The following LPP variants were observed in gnomAD, a reference collection of about 807,000 sequenced individuals.
LPP encodes lipoma-preferred partner.
LPP carries 38 observed loss-of-function variants against 60.4 expected under a neutral mutation model. That is an observed-to-expected ratio of 0.63 (90% CI 0.49 to 0.83). LPP has a LOEUF of 0.83. LPP is among the 40% of genes least tolerant of loss of function. The probability of loss-of-function intolerance (pLI) is 0.00; values close to 1 mark genes in which losing one functional copy is unlikely to be tolerated. For missense variants in LPP, 902 were observed against 783.6 expected (o/e 1.15, Z -1.80); for synonymous variants, 328 against 290.8 (o/e 1.13, Z -1.30).
At chr3:188,676,900 T>C (rs1017791499) in intron 7 of LPP, among the ~76,000 whole-genome samples, 2 of 152,186 alleles carry the variant, frequency 1.3e-5, no homozygotes, top group Admixed American at 1.3e-4. Context: ...TAACATTTGT[T>C]CTATGAGGGG....
chr3:188,729,717 T>G (rs1317881178), intron 8 of LPP, among the ~76,000 whole-genome samples: 1 of 152,048 alleles, frequency 6.6e-6, no homozygotes, highest in Non-Finnish European at 1.5e-5. Context: ...TGGCTCACGC[T>G]TATAATCCCA....
intron 6 of LPP, among the ~76,000 whole-genome samples, chr3:188,588,594 TCA>T (rs1379036412): frequency 6.6e-6 from 1 of 152,194 alleles, no homozygotes; most frequent in East Asian, 1.9e-4. Context: ...CTCACATACC[TCA>T]GTTTCCTCAT....
At chr3:188,811,704 T>G (rs547780542) in intron 9 of LPP, among the ~76,000 whole-genome samples, 12 of 152,106 alleles carry the variant, frequency 7.9e-5, no homozygotes, top group Non-Finnish European at 1.6e-4. Context: ...ATGAGGAAAC[T>G]GAGGCTTAGG....
rs1766366911 is a variant in LPP, at chr3:188,352,932, T to C, written c.-10+11213T>C. Among the ~76,000 whole-genome samples, 2 of 152,128 alleles carry C rather than the reference T, an allele frequency of 1.3e-5. No homozygotes were observed. The highest frequency in any genetic ancestry group is 2.9e-5 in the Non-Finnish European group (2 of 68,014). ...CCACAGAAACTTTTCTGGGGGAGAATGTTTCTTATCAGATTCCGCAGATGG... is the reference window on the plus strand; with the variant it reads ...CCACAGAAACTTTTCTGGGGGAGAACGTTTCTTATCAGATTCCGCAGATGG... On this transcript the variant is annotated intron_variant, in intron 3 of 11. Transcript: ENST00000617246. This position sits in a 1 kb window ranked among gnomAD's most constrained non-coding sequence, Gnocchi z 4.4.
Position 188,883,039 on chromosome 3 carries a change from T to C in LPP, c.*8560T>C. On this transcript the variant is annotated 3_prime_UTR_variant, in exon 12 of 12. Coordinates refer to ENST00000617246, the MANE Select transcript of LPP (RefSeq NM_001375462.1). The stretch of plus-strand genomic sequence containing the variant: ...ACATCACCTGTATCAGGGAGCTCAT[T>C]ATTCCTTGAGGTCTTACATTTCTTT... The C allele has an allele frequency of 4.9e-6, 1 of 202,512 alleles. No individual in the cohort carries two copies. The highest frequency in any genetic ancestry group is 1.0e-5 in the Non-Finnish European group (1 of 98,610). 12.5% of individuals were successfully genotyped at this position (202,512 alleles called of 1,614,324 possible). A position where few individuals can be genotyped will look rare whatever the true frequency, so the allele number is the denominator to read the frequency against.
At chr3:188,164,902 A>G (rs180745239) in intron 1 of LPP, among the ~76,000 whole-genome samples, 44 of 152,196 alleles carry the variant, frequency 2.9e-4, no homozygotes, top group African/African-American at 9.6e-4. Flanking sequence ...CGACGATGGA[A>G]ACGTGAATGC....
chr3:188,814,147 T>G (rs1330070419), intron 9 of LPP, among the ~76,000 whole-genome samples: 1 of 152,094 alleles, frequency 6.6e-6, no homozygotes, highest in Non-Finnish European at 1.5e-5. Context: ...ATTTAGCATC[T>G]GTCCCAGGCA....
intron 1 of LPP, among the ~76,000 whole-genome samples, chr3:188,196,310 C>T (rs1486347548): frequency 6.6e-6 from 1 of 152,192 alleles, no homozygotes. Context: ...TTGGAAATCC[C>T]AAAGTTGCAT....
At chr3:188,598,021 G>T (rs1168254602) in intron 6 of LPP, among the ~76,000 whole-genome samples, 1 of 152,086 alleles carries the variant, frequency 6.6e-6, no homozygotes, top group African/African-American at 2.4e-5. Flanking sequence ...TAATTTTGGA[G>T]GTTCCAGATT....
chr3:188,609,479 G>A lies in LPP; in HGVS notation c.748G>A (p.Gly250Ser), dbSNP rs758341368. The A allele has an allele frequency of 6.2e-7, 1 of 1,614,130 alleles. No individual in the cohort carries two copies. Among genetic ancestry groups the A allele is most frequent in the East Asian group, 2.2e-5 (1 of 44,870 alleles). ...SGQIYGSGPQGYNTQPVPVSG... is the reference protein window; with the variant it reads ...SGQIYGSGPQSYNTQPVPVSG... ...ACAAATTTATGGCTCAGGGCCCCAG[G>A]GCTATAACACTCAGCCAGTTCCTGT... The change falls in exon 7 of 12, where the codon GGC becomes AGC. Residue 250 changes from glycine (G) to serine (S), a missense_variant. Physicochemically the swap from Gly to Ser is moderately conservative, Grantham distance 56. Transcript: ENST00000617246. This position sits in a 1 kb window ranked among gnomAD's most constrained non-coding sequence, Gnocchi z 6.9.
At chr3:188,662,375 A>G (rs1854783388) in intron 7 of LPP, among the ~76,000 whole-genome samples, 1 of 152,198 alleles carries the variant, frequency 6.6e-6, no homozygotes, top group Non-Finnish European at 1.5e-5. Flanking sequence ...GGTCCCATAG[A>G]TACCATGGAC....
intron 2 of LPP, among the ~76,000 whole-genome samples, chr3:188,283,118 A>G (rs1266261568): frequency 6.6e-6 from 1 of 152,110 alleles, no homozygotes; most frequent in Non-Finnish European, 1.5e-5. Flanking sequence ...GTCTCTCTAG[A>G]GGCACAAGGA....
intron 8 of LPP, among the ~76,000 whole-genome samples, chr3:188,723,673 G>A (rs1182415289): frequency 1.3e-5 from 2 of 151,474 alleles, no homozygotes; most frequent in Admixed American, 6.6e-5. Context: ...CTAGAATTTC[G>A]ATGCATAATC....
intron 6 of LPP, among the ~76,000 whole-genome samples, chr3:188,574,146 C>A (rs745750796): frequency 1.6e-4 from 25 of 152,158 alleles, no homozygotes; most frequent in Non-Finnish European, 3.1e-4. Flanking sequence ...GCCTTCAGCA[C>A]CCTGGGTTTC....
intron 4 of LPP, among the ~76,000 whole-genome samples, chr3:188,435,568 G>T (rs1351275380): frequency 6.6e-6 from 1 of 152,062 alleles, no homozygotes; most frequent in Middle Eastern, 3.2e-3. Context: ...TTCTTTTCAG[G>T]ATAAATAATA....
intron 9 of LPP, among the ~76,000 whole-genome samples, chr3:188,789,082 CT>C: frequency 1.4e-5 from 2 of 143,638 alleles, no homozygotes; most frequent in Admixed American, 1.5e-4. Context: ...CATAGTGAGT[CT>C]TTTGTTGTTG....
intron 7 of LPP, among the ~76,000 whole-genome samples, chr3:188,624,705 TTTTCCC>T (rs10566349): frequency 0.061 from 4,146 of 67,644 alleles, 336 homozygotes; most frequent in Middle Eastern, 0.13. Flanking sequence ...CCTTCCTTCC[TTTTCCC>T]TTTCCCTTTC....
intron 9 of LPP, among the ~76,000 whole-genome samples, chr3:188,778,630 A>C (rs1235820215): frequency 6.6e-6 from 1 of 152,098 alleles, no homozygotes; most frequent in Non-Finnish European, 1.5e-5. Flanking sequence ...TAGGGAGGTA[A>C]GTGGGGAAAT....
intron 2 of LPP, among the ~76,000 whole-genome samples, chr3:188,266,677 G>T (rs566146332): frequency 6.6e-6 from 1 of 152,242 alleles, no homozygotes; most frequent in African/African-American, 2.4e-5. Flanking sequence ...CTGCTTTGGA[G>T]CCATGAGTCC....
Sources: gnomAD v4.1 joint callset for allele counts (sites outside exome capture counted in the v4.1 genomes callset) on GRCh38, gnomAD v4.1.1 for gene constraint, Gnocchi (gnomAD v3.1) non-coding constraint, MANE v1.5 for transcripts, NCBI Gene and HGNC (gene_info 2026-07-23, HGNC 2026-07-21) for gene names.